Variants in ATXN1 observed in about 807,000 individuals in gnomAD.
ATXN1 encodes ataxin 1, also known as ataxin-1.
ATXN1 carries 8 observed loss-of-function variants against 56.4 expected under a neutral mutation model. The ratio of observed to expected loss-of-function variants is 0.14; its 90% CI spans 0.08 to 0.26. ATXN1 has a LOEUF of 0.26. Among genes scored for constraint, ATXN1 ranks in the 10% least tolerant of loss-of-function variants. ATXN1 has a pLI of 1.00. For missense variants in ATXN1, 987 were observed against 1,106.5 expected, an observed-to-expected ratio of 0.89 and a Z score of 1.53; for synonymous variants, 514 against 494.6, an observed-to-expected ratio of 1.04 and a Z score of -0.52.
intron 4 of ATXN1, among the ~76,000 whole-genome samples, chr6:16,566,592 G>A (rs1423282298): frequency 3.9e-5 from 6 of 152,022 alleles, no homozygotes; most frequent in East Asian, 1.9e-4. Flanking sequence ...GGTGGCTCAC[G>A]ACTGTAATCC....
At chr6:16,567,885 T>A (rs918204825) in intron 4 of ATXN1, among the ~76,000 whole-genome samples, 1 of 151,890 alleles carries the variant, frequency 6.6e-6, no homozygotes, top group African/African-American at 2.4e-5. Context: ...ATGAATTATG[T>A]CTCTGTATTG....
At chr6:16,457,490 G>C (rs1262566310) in intron 6 of ATXN1, among the ~76,000 whole-genome samples, 1 of 151,788 alleles carries the variant, frequency 6.6e-6, no homozygotes, top group Non-Finnish European at 1.5e-5. Flanking sequence ...GGACCAATTT[G>C]TCCCGCAAAC....
rs942400053 is a variant in ATXN1, at chr6:16,649,962, T to C, written c.-489+7814A>G. Among the ~76,000 whole-genome samples the C allele has an allele frequency of 2.3e-4, 35 of 152,122 alleles. 1 individual carries two copies. The highest frequency in any genetic ancestry group is 4.7e-4 in the Non-Finnish European group (32 of 67,954). ...ATAATTTCTGTTTTGTTTTTTTTTT[T>C]CCTTGAGACGAGCTCTCTATCTGTT... is the stretch of plus-strand genomic sequence containing the variant. On this transcript the variant is annotated intron_variant, in intron 3 of 7. Transcript: ENST00000436367.
chr6:16,345,562 G>C (rs1761363438), intron 6 of ATXN1, among the ~76,000 whole-genome samples: 1 of 152,080 alleles, frequency 6.6e-6, no homozygotes, highest in Non-Finnish European at 1.5e-5. Flanking sequence ...TAAAATTAGG[G>C]GTATGACTCA....
intron 2 of ATXN1, among the ~76,000 whole-genome samples, chr6:16,700,361 C>T (rs115011674): frequency 1.9e-4 from 29 of 152,254 alleles, no homozygotes; most frequent in African/African-American, 6.5e-4. Context: ...TGCCCCTGTT[C>T]TTATGTTTCT....
At chr6:16,655,140 A>G (rs1365421080) in intron 3 of ATXN1, among the ~76,000 whole-genome samples, 1 of 152,204 alleles carries the variant, frequency 6.6e-6, no homozygotes, top group Non-Finnish European at 1.5e-5. Flanking sequence ...TAACACAATG[A>G]CGGCAAGCAC....
chr6:16,351,634 C>T (rs1761569834), intron 6 of ATXN1, among the ~76,000 whole-genome samples: 1 of 152,118 alleles, frequency 6.6e-6, no homozygotes, highest in African/African-American at 2.4e-5. Context: ...AACTCTTGGG[C>T]TCAAGAGATC....
intron 7 of ATXN1, among the ~76,000 whole-genome samples, chr6:16,309,244 AAATAATAAT>A (rs1171252725): frequency 2.0e-5 from 3 of 148,070 alleles, no homozygotes; most frequent in Non-Finnish European, 4.5e-5. Context: ...AAAAAAAAAT[AAATAATAAT>A]AATAATAATA....
intron 3 of ATXN1, among the ~76,000 whole-genome samples, chr6:16,593,201 C>G (rs1188066269): frequency 6.6e-6 from 1 of 152,202 alleles, no homozygotes; most frequent in Admixed American, 6.5e-5. Flanking sequence ...GGAAGTCCAG[C>G]TGGCTTCACC....
intron 2 of ATXN1, among the ~76,000 whole-genome samples, chr6:16,707,464 T>C (rs1364220098): frequency 1.3e-5 from 2 of 152,206 alleles, no homozygotes; most frequent in East Asian, 3.8e-4. Context: ...TAAAGTCTCC[T>C]GGACTTCTTC....
At chr6:16,314,667 A>C (rs904648744) in intron 7 of ATXN1, among the ~76,000 whole-genome samples, 1 of 151,766 alleles carries the variant, frequency 6.6e-6, no homozygotes, top group Non-Finnish European at 1.5e-5. Flanking sequence ...CCAGGCTGGA[A>C]TGTAGTGGCA....
intron 3 of ATXN1, among the ~76,000 whole-genome samples, chr6:16,625,753 CT>C (rs1230581054): frequency 6.6e-6 from 1 of 151,896 alleles, no homozygotes; most frequent in African/African-American, 2.4e-5. Context: ...CAGCTTTCCC[CT>C]CTTCGAAAAA....
At chr6:16,654,820 A>T (rs940808815) in intron 3 of ATXN1, among the ~76,000 whole-genome samples, 6 of 152,218 alleles carry the variant, frequency 3.9e-5, no homozygotes, top group African/African-American at 1.4e-4. Context: ...GGATACTGTC[A>T]CCAGGAGAAT....
At chr6:16,568,948 C>G (rs1197628038) in intron 4 of ATXN1, among the ~76,000 whole-genome samples, 1 of 152,122 alleles carries the variant, frequency 6.6e-6, no homozygotes, top group East Asian at 1.9e-4. Context: ...TCTGGGAGGA[C>G]TGGATAATTT....
rs772861031 is a variant in ATXN1 at position 16,306,815 on chromosome 6, T to C, written c.1962A>G (p.Gly654=). The C allele has an allele frequency of 5.0e-6, 8 of 1,612,812 alleles. No individual in the cohort carries two copies. In the Admixed American group the frequency reaches 6.7e-5, roughly 13 times the overall value. The part of the protein sequence containing the change: ...VLVEYPFFVF[G]QGWSSCCPER... ...CCGGACAGCAGGATGACCAGCCCTG[T>C]CCAAACACAAAAAAAGGATACTCTA... The change falls in exon 8 of 8, where the codon GGA becomes GGG. Residue 654 remains glycine, a synonymous_variant. Coordinates refer to ENST00000436367, the MANE Select transcript of ATXN1 (RefSeq NM_001128164.2). This position sits in a 1 kb window ranked among gnomAD's most constrained non-coding sequence, Gnocchi z 5.2.
chr6:16,346,922 G>A (rs887848214), intron 6 of ATXN1, among the ~76,000 whole-genome samples: 1 of 152,228 alleles, frequency 6.6e-6, no homozygotes, highest in Non-Finnish European at 1.5e-5. Context: ...CGCGTTGCTT[G>A]TGGGCCAGCG....
At chr6:16,639,341 G>A (rs898734693) in intron 3 of ATXN1, among the ~76,000 whole-genome samples, 3 of 152,142 alleles carry the variant, frequency 2.0e-5, no homozygotes, top group Non-Finnish European at 4.4e-5. Flanking sequence ...CTTGAAGTCA[G>A]CAAGACCACA....
intron 2 of ATXN1, among the ~76,000 whole-genome samples, chr6:16,752,555 C>G (rs918430405): frequency 2.0e-5 from 3 of 152,152 alleles, no homozygotes; most frequent in African/African-American, 7.2e-5. Context: ...TTCACAATCT[C>G]CCTTGGTTAC....
intron 6 of ATXN1, among the ~76,000 whole-genome samples, chr6:16,451,000 G>A (rs1386082090): frequency 6.6e-6 from 1 of 152,212 alleles, no homozygotes; most frequent in Non-Finnish European, 1.5e-5. Flanking sequence ...ACGCTATGAA[G>A]AGCCACATGG....
Sources: allele counts gnomAD v4.1 joint callset (sites outside exome capture counted in the v4.1 genomes callset), GRCh38; gene constraint gnomAD v4.1.1; non-coding constraint Gnocchi (gnomAD v3.1); transcripts MANE v1.5; gene names NCBI Gene and HGNC (gene_info 2026-07-23, HGNC 2026-07-21).